Variants in HACE1 observed in about 807,000 individuals in gnomAD.
HACE1 encodes the protein HECT domain and ankyrin repeat containing E3 ubiquitin protein ligase 1.
A neutral mutation model predicts 118.4 loss-of-function variants in HACE1; 73 were observed. The observed-to-expected ratio is 0.62, with a 90% CI of 0.51 to 0.75. The LOEUF is 0.75. HACE1 is among the 30% of genes least tolerant of loss of function. HACE1 has a pLI of 0.00. For synonymous variants in HACE1, 368 were observed against 374.8 expected (o/e 0.98, Z 0.21); for missense variants, 749 against 1,102.2 (o/e 0.68, Z 4.54).
Position 104,729,524 on chromosome 6 carries a change from C to A in HACE1, c.*138G>T. On this transcript the variant is annotated 3_prime_UTR_variant, in exon 24 of 24. Coordinates refer to ENST00000262903, the MANE Select transcript of HACE1 (RefSeq NM_020771.4). ...AAGGGAAAAGAGAGAAACAGAAAAC[C>A]TGATGATCCTTTATAAATTGGAAGC... 2 of 677,906 alleles carry A rather than the reference C, an allele frequency of 3.0e-6. No homozygotes were observed. Among genetic ancestry groups the A allele is most frequent in the South Asian group, 1.6e-5 (1 of 62,266 alleles). The allele number at this position is 677,906 out of a possible 1,614,324, so 42.0% of individuals were successfully genotyped here. A position where few individuals can be genotyped will look rare whatever the true frequency, so the allele number is the denominator to read the frequency against.
intron 19 of HACE1, among the ~76,000 whole-genome samples, chr6:104,764,496 C>A (rs1318067592): frequency 6.6e-6 from 1 of 152,204 alleles, no homozygotes; most frequent in African/African-American, 2.4e-5. Context: ...CCAGGGTTAT[C>A]TGCCTCATTA....
intron 6 of HACE1, among the ~76,000 whole-genome samples, chr6:104,832,396 G>GT (rs1045550059): frequency 3.3e-5 from 5 of 151,762 alleles, no homozygotes; most frequent in African/African-American, 7.3e-5. Context: ...TGTTGTTGTT[G>GT]TTGTTGTTGT....
rs1162572199 is a variant in HACE1, at chr6:104,859,896, CCTCCCGGG to C, written c.-262_-255del. 1 of 471,602 alleles carries C rather than the reference CCTCCCGGG, an allele frequency of 2.1e-6. No homozygotes were observed. Among genetic ancestry groups the C allele is most frequent in the African/African-American group, 2.1e-5 (1 of 47,898 alleles). 29.2% of individuals were successfully genotyped at this position (471,602 alleles called of 1,614,324 possible). ...TTCCTGCAGCCCCCGCCGCCGCGTCCCTCCCGGGCTCGCGTGGCCTTCTGGGAACTGTA... is the reference window on the plus strand; with the variant it reads ...TTCCTGCAGCCCCCGCCGCCGCGTCCCTCGCGTGGCCTTCTGGGAACTGTA... On this transcript the variant is annotated 5_prime_UTR_variant, in exon 1 of 24. Transcript: ENST00000262903.
chr6:104,767,394 C>G (rs1358498663), intron 19 of HACE1, among the ~76,000 whole-genome samples: 1 of 152,118 alleles, frequency 6.6e-6, no homozygotes. Context: ...ATCTTCACTG[C>G]CACTTGCCTT....
At chr6:104,773,770 T>A (rs73768810) in intron 17 of HACE1, among the ~76,000 whole-genome samples, 346 of 141,936 alleles carry the variant, frequency 2.4e-3, no homozygotes, top group African/African-American at 8.7e-3. Context: ...GGAGACTTTT[T>A]TAAAAAAAAA....
chr6:104,858,426 C>G (rs917754414), intron 1 of HACE1: 1 of 328,352 alleles, frequency 3.0e-6, no homozygotes, highest in South Asian at 2.3e-5. Flanking sequence ...CCAGGCCAGG[C>G]GCGGTGGCTC....
chr6:104,745,104 G>C (rs1551481), intron 20 of HACE1, among the ~76,000 whole-genome samples: 1 of 151,880 alleles, frequency 6.6e-6, no homozygotes, highest in Non-Finnish European at 1.5e-5. Flanking sequence ...AAATAGTTAC[G>C]ATTTTTAAAA....
At chr6:104,817,654 G>A (rs1772260075) in intron 6 of HACE1, among the ~76,000 whole-genome samples, 1 of 152,186 alleles carries the variant, frequency 6.6e-6, no homozygotes, top group Non-Finnish European at 1.5e-5. Context: ...GTAGAAGAGA[G>A]TAGGAAGAGA....
chr6:104,742,428 T>C (rs965313306), intron 22 of HACE1, among the ~76,000 whole-genome samples: 2 of 150,570 alleles, frequency 1.3e-5, no homozygotes, highest in African/African-American at 4.9e-5. Context: ...AAAGGGCTAA[T>C]ATCCAGAATC....
At chr6:104,771,578 T>C (rs562882977) in intron 18 of HACE1, among the ~76,000 whole-genome samples, 189 bp from the exon 19 acceptor site, 3 of 152,158 alleles carry the variant, frequency 2.0e-5, no homozygotes, top group Non-Finnish European at 4.4e-5. Context: ...TCTTTCACAT[T>C]GTTACAATGT....
chr6:104,840,292 A>C (rs1774968875), intron 5 of HACE1, among the ~76,000 whole-genome samples: 1 of 152,360 alleles, frequency 6.6e-6, no homozygotes, highest in African/African-American at 2.4e-5. Flanking sequence ...AACTATGAAT[A>C]GTTTTCGTGT....
chr6:104,797,550 G>A (rs1769808138), intron 7 of HACE1, among the ~76,000 whole-genome samples: 1 of 151,962 alleles, frequency 6.6e-6, no homozygotes, highest in Admixed American at 6.6e-5. Flanking sequence ...AGAGAATCTG[G>A]GGAAAAAGGG....
intron 19 of HACE1, among the ~76,000 whole-genome samples, chr6:104,768,417 G>A (rs1238136076): frequency 6.6e-6 from 1 of 151,890 alleles, no homozygotes; most frequent in Non-Finnish European, 1.5e-5. Context: ...CAAGAAACAG[G>A]GTTTGAAAAT....
intron 7 of HACE1, among the ~76,000 whole-genome samples, chr6:104,809,294 A>C (rs1771346803): frequency 6.6e-6 from 1 of 152,186 alleles, no homozygotes; most frequent in South Asian, 2.1e-4. Flanking sequence ...CTATGAAGGA[A>C]ATGACTGTGA....
At chr6:104,854,690 T>C (rs925423916) in intron 1 of HACE1, among the ~76,000 whole-genome samples, 1 of 152,162 alleles carries the variant, frequency 6.6e-6, no homozygotes, top group Admixed American at 6.5e-5. Context: ...TATTTCAAGA[T>C]AATACAATAT....
rs1770521237 is a variant in HACE1 at position 104,802,720 on chromosome 6, T to C, written c.618-5695A>G. ...TCTGGGACACATTTAAAGCAGTGTG[T>C]AGAGGGAAATTTATAGCACTAAATG... On this transcript the variant is annotated intron_variant, in intron 7 of 23. Transcript: ENST00000262903. Among the ~76,000 whole-genome samples the C allele has an allele frequency of 2.0e-5, 3 of 152,150 alleles. No individual in the cohort carries two copies. The South Asian group carries it at 6.2e-4, about 32-fold the overall frequency.
At chr6:104,856,490 A>G (rs915228065) in intron 1 of HACE1, among the ~76,000 whole-genome samples, 1 of 151,762 alleles carries the variant, frequency 6.6e-6, no homozygotes, top group African/African-American at 2.4e-5. Context: ...GCTGGAATGC[A>G]GTGGCGCGAT....
chr6:104,826,361 T>A (rs943073042), intron 6 of HACE1, among the ~76,000 whole-genome samples: 6 of 152,332 alleles, frequency 3.9e-5, no homozygotes, highest in Non-Finnish European at 8.8e-5. Flanking sequence ...AGTGACAAGA[T>A]GTAAATAAAC....
At chr6:104,733,677 C>A (rs563729033) in intron 22 of HACE1, among the ~76,000 whole-genome samples, 1 of 151,010 alleles carries the variant, frequency 6.6e-6, no homozygotes, top group East Asian at 2.0e-4. Flanking sequence ...GGTGAAACCC[C>A]GTCTCTACTA....
Sources: gnomAD v4.1 joint callset for allele counts (sites outside exome capture counted in the v4.1 genomes callset) on GRCh38, gnomAD v4.1.1 for gene constraint, MANE v1.5 for transcripts, NCBI Gene and HGNC (gene_info 2026-07-23, HGNC 2026-07-21) for gene names.